Variants in MXI1 observed in about 807,000 individuals in gnomAD.
The protein encoded by MXI1 is max-interacting protein 1.
MXI1 carries 18 observed loss-of-function variants against 36.9 expected under a neutral mutation model. The observed-to-expected ratio is 0.49, with a 90% CI of 0.34 to 0.72. MXI1 has a LOEUF of 0.72. Ranked by LOEUF, MXI1 falls within the 30% of genes least tolerant of loss-of-function variation. MXI1 has a pLI of 0.01. For missense variants in MXI1, 304 were observed against 379.1 expected, an observed-to-expected ratio of 0.80 and a Z score of 1.64; for synonymous variants, 160 against 146.7, an observed-to-expected ratio of 1.09 and a Z score of -0.65.
At chr10:110,241,748 G>A (rs773281519) in intron 2 of MXI1, among the ~76,000 whole-genome samples, 3 of 151,826 alleles carry the variant, frequency 2.0e-5, no homozygotes, top group African/African-American at 4.8e-5. Flanking sequence ...AGTTAATAAC[G>A]TTTTGGGTAA....
At chr10:110,282,687 C>A (rs2134479560) in intron 5 of MXI1, among the ~76,000 whole-genome samples, 1 of 152,114 alleles carries the variant, frequency 6.6e-6, no homozygotes, top group East Asian at 1.9e-4. Flanking sequence ...GTGTACCTTA[C>A]TTTAGCGGTA....
At chr10:110,221,041 T>C (rs7900959) in intron 1 of MXI1, among the ~76,000 whole-genome samples, 8,126 of 152,286 alleles carry the variant, frequency 0.053, 602 homozygotes, top group African/African-American at 0.17. Flanking sequence ...CTTTTAATTA[T>C]AGTGGAAGGG....
intron 1 of MXI1, among the ~76,000 whole-genome samples, chr10:110,211,262 A>T (rs1157050516): frequency 6.6e-6 from 1 of 151,976 alleles, no homozygotes; most frequent in African/African-American, 2.4e-5. Flanking sequence ...CTTTCCTCCG[A>T]CTGGACTTGA....
intron 3 of MXI1, among the ~76,000 whole-genome samples, chr10:110,265,898 G>T (rs1188508098): frequency 6.6e-6 from 1 of 152,150 alleles, no homozygotes; most frequent in Non-Finnish European, 1.5e-5. Context: ...GCTTTCAGGA[G>T]AAACACTACA....
chr10:110,207,847 C>A lies in MXI1; in HGVS notation c.39C>A (p.Cys13Ter), dbSNP rs2134316305. The A allele has an allele frequency of 2.6e-6, 3 of 1,147,416 alleles. No individual in the cohort carries two copies. Among genetic ancestry groups the A allele is most frequent in the Non-Finnish European group, 3.2e-6 (3 of 934,130 alleles). 71.1% of individuals were successfully genotyped at this position (1,147,416 alleles called of 1,614,324 possible). A position where few individuals can be genotyped will look rare whatever the true frequency, so the allele number is the denominator to read the frequency against. The stretch of plus-strand genomic sequence containing the variant: ...GGCGGCCGCGCAAGGAGGCGCGCTG[C>A]GAGGGCGCGGGGCTGGCCCCCGCCG... ...KRGRPRKEAR[C>*]EGAGLAPAAP... Residue 13 changes from cysteine to a stop codon, truncating the protein, a stop_gained, in exon 1 of 6, where the codon TGC (cysteine) becomes TGA (stop). Transcript: ENST00000332674. LOFTEE classifies it high-confidence loss of function.
At chr10:110,272,963 C>G (rs1252186484) in intron 3 of MXI1, among the ~76,000 whole-genome samples, 2 of 149,792 alleles carry the variant, frequency 1.3e-5, no homozygotes, top group African/African-American at 4.9e-5. Context: ...TGTTTATTTT[C>G]TGTGAAGTAG....
chr10:110,220,017 A>G (rs1854759746), intron 1 of MXI1, among the ~76,000 whole-genome samples: 1 of 152,192 alleles, frequency 6.6e-6, no homozygotes, highest in Non-Finnish European at 1.5e-5. Flanking sequence ...CACTCCTACA[A>G]TGTTTCTACC....
intron 2 of MXI1, among the ~76,000 whole-genome samples, chr10:110,243,269 C>G (rs1855739960): frequency 3.9e-5 from 6 of 152,004 alleles, no homozygotes. Context: ...TCATAAGACT[C>G]TATTTACTTC....
chr10:110,280,393 A>T (rs1287012651), intron 5 of MXI1, among the ~76,000 whole-genome samples: 1 of 152,014 alleles, frequency 6.6e-6, no homozygotes, highest in East Asian at 1.9e-4. Context: ...AATATCACAG[A>T]AATGATGTTG....
At chr10:110,218,365 G>T (rs1854709872) in intron 1 of MXI1, among the ~76,000 whole-genome samples, 1 of 151,970 alleles carries the variant, frequency 6.6e-6, no homozygotes, top group Non-Finnish European at 1.5e-5. Flanking sequence ...CAGGAGAATG[G>T]CGTGAACCCG....
At chr10:110,279,041 T>C in intron 3 of MXI1, 139 bp from the exon 4 acceptor site, 1 of 624,554 alleles carries the variant, frequency 1.6e-6, no homozygotes, top group Non-Finnish European at 2.8e-6. Context: ...CCTACATTCT[T>C]TGACAGTGGA....
Position 110,262,244 on chromosome 10 carries a change from C to T in MXI1, c.438-16936C>T, listed in dbSNP as rs545429284. On this transcript the variant is annotated intron_variant, in intron 3 of 5. Coordinates refer to ENST00000332674, the MANE Select transcript of MXI1 (RefSeq NM_130439.3). Reference sequence around the variant, plus strand: ...TTCCCTAAACAATACAATATAACAACTATTTACATGGTATTCACATTGTAG... The same window carrying T: ...TTCCCTAAACAATACAATATAACAATTATTTACATGGTATTCACATTGTAG... Among the ~76,000 whole-genome samples the T allele has an allele frequency of 1.9e-4, 29 of 152,158 alleles. No individual in the cohort carries two copies. In the East Asian group the frequency reaches 5.6e-3, roughly 29 times the overall value.
intron 1 of MXI1, among the ~76,000 whole-genome samples, chr10:110,210,724 C>A (rs1341635584): frequency 6.6e-6 from 1 of 152,218 alleles, no homozygotes; most frequent in Non-Finnish European, 1.5e-5. Flanking sequence ...TTATGGGGGG[C>A]GCTTCTTCGC....
intron 5 of MXI1, among the ~76,000 whole-genome samples, chr10:110,283,151 T>C (rs1470866495): frequency 6.6e-6 from 1 of 152,214 alleles, no homozygotes; most frequent in Non-Finnish European, 1.5e-5. Context: ...GACAGCTGCC[T>C]ACATTTTAAA....
At chr10:110,227,834 T>A in intron 1 of MXI1, 1 of 271,818 alleles carries the variant, frequency 3.7e-6, no homozygotes, top group Non-Finnish European at 7.3e-6. Flanking sequence ...CAGAGAGAGT[T>A]GAAAGTAAAG....
intron 3 of MXI1, among the ~76,000 whole-genome samples, chr10:110,266,547 A>C (rs916521265): frequency 6.6e-6 from 1 of 152,292 alleles, no homozygotes; most frequent in East Asian, 1.9e-4. Context: ...GGACAGATCA[A>C]TCTATCATTA....
intron 1 of MXI1, chr10:110,210,259 C>A: frequency 1.0e-6 from 1 of 985,238 alleles, no homozygotes; most frequent in East Asian, 1.1e-4. Flanking sequence ...CCCTGCAAAT[C>A]TGCCAGCCCC....
At chr10:110,272,576 G>A (rs1438694403) in intron 3 of MXI1, among the ~76,000 whole-genome samples, 2 of 151,890 alleles carry the variant, frequency 1.3e-5, no homozygotes, top group African/African-American at 4.8e-5. Context: ...GAAAGAAAGT[G>A]GTTTTAAAAA....
chr10:110,251,985 G>T (rs1376602042), intron 3 of MXI1, among the ~76,000 whole-genome samples: 5 of 152,038 alleles, frequency 3.3e-5, no homozygotes, highest in African/African-American at 9.7e-5. Context: ...AATTTTTGAG[G>T]CTTTTGAAGC....
Sources: gnomAD v4.1 joint callset for allele counts (sites outside exome capture counted in the v4.1 genomes callset) on GRCh38, gnomAD v4.1.1 for gene constraint, MANE v1.5 for transcripts, NCBI Gene and HGNC (gene_info 2026-07-23, HGNC 2026-07-21) for gene names.